Variants in LLGL2 observed in about 807,000 individuals in gnomAD.
The protein encoded by LLGL2 is LLGL scribble cell polarity complex component 2.
Under a neutral mutation model 123.2 loss-of-function variants are expected in LLGL2, and 81 were observed. The observed-to-expected ratio is 0.66, with a 90% confidence interval of 0.55 to 0.79. The LOEUF (loss-of-function observed/expected upper bound fraction) is 0.79. LLGL2 is among the 30% of genes least tolerant of loss of function. The probability of loss-of-function intolerance (pLI) is 0.00; values close to 1 mark genes in which losing one functional copy is unlikely to be tolerated. For missense variants in LLGL2, 1,273 were observed against 1,414.6 expected (o/e 0.90, Z 1.61); for synonymous variants, 577 against 594.1 (o/e 0.97, Z 0.42).
intron 1 of LLGL2, among the ~76,000 whole-genome samples, chr17:75,539,876 T>C (rs2054144570): frequency 6.6e-6 from 1 of 152,220 alleles, no homozygotes; most frequent in African/African-American, 2.4e-5. Context: ...CCCAGAGTGC[T>C]GGGATTACAG....
At position 75,573,976 on chromosome 17, in the gene LLGL2, C is replaced by T. The variant is rs372808279; in HGVS notation, c.2901C>T (p.Gly967=). ...GGAACTCAGGGACTCAGAGTGATGG[C>T]GAGGGTAAGACAGGCCTCCTGGGCT... The part of the protein sequence containing the change: ...RARNSGTQSD[G]EEKQPGLVME... Residue 967 remains glycine (G), a synonymous_variant, in exon 22 of 26, where the codon GGC becomes GGT. Coordinates refer to ENST00000392550, the MANE Select transcript of LLGL2 (RefSeq NM_001031803.2). 112 of 1,550,786 alleles carry T rather than the reference C, an allele frequency of 7.2e-5. No individual in the cohort carries two copies. The African/African-American group carries it at 1.3e-3, about 18-fold the overall frequency.
At chr17:75,550,662 G>A (rs1296514098) in intron 2 of LLGL2, among the ~76,000 whole-genome samples, 1 of 151,738 alleles carries the variant, frequency 6.6e-6, no homozygotes, top group Non-Finnish European at 1.5e-5. Flanking sequence ...GCGCATGCCT[G>A]TAGTTCTAGC....
chr17:75,540,838 C>T (rs1317370718), intron 1 of LLGL2, among the ~76,000 whole-genome samples: 1 of 152,112 alleles, frequency 6.6e-6, no homozygotes, highest in Non-Finnish European at 1.5e-5. Flanking sequence ...GTGAGGGGCT[C>T]CACGCTCACA....
At chr17:75,526,497 C>T (rs1013472943) in intron 1 of LLGL2, among the ~76,000 whole-genome samples, 1 of 152,268 alleles carries the variant, frequency 6.6e-6, no homozygotes, top group East Asian at 1.9e-4. Flanking sequence ...GAAAGTGTGT[C>T]TTAGTTTGTT....
rs147490444 is a variant in LLGL2, at chr17:75,564,471, G to A, written c.1000G>A (p.Gly334Ser). The part of the protein sequence containing the change: ...TAFDFTSRVI[G>S]FTVLTEADPA... ...CTTCGACTTCACCTCCCGTGTCATC[G>A]GCTTCACTGTCCTCACAGAGGCAGA... The change falls in exon 10 of 26, where the codon GGC (glycine) becomes AGC (serine). Residue 334 changes from glycine to serine, a missense_variant. Gly to Ser is a moderately conservative substitution (Grantham distance 56). Coordinates refer to ENST00000392550, the MANE Select transcript of LLGL2 (RefSeq NM_001031803.2). This position sits in a 1 kb window ranked among gnomAD's most constrained non-coding sequence, Gnocchi z 4.9. 3.0e-5 allele frequency: 48 copies of A among 1,613,156 alleles called. No individual in the cohort carries two copies. In the African/African-American group the frequency reaches 5.2e-4, roughly 17 times the overall value.
chr17:75,551,817 C>T (rs1233968725), intron 2 of LLGL2, among the ~76,000 whole-genome samples: 1 of 152,172 alleles, frequency 6.6e-6, no homozygotes, highest in Non-Finnish European at 1.5e-5. Context: ...ATTATTTAAA[C>T]ACGTGAAATT....
rs1303880115 is a variant in LLGL2 at position 75,571,009 on chromosome 17, T to C, written c.2085T>C (p.Pro695=). ...GCCTCCAGAACATGGAGCTGGCGCC[T>C]GTGCAGCGCAAGATCGAGGCTCGCT... The part of the protein sequence containing the change: ...RPGLQNMELA[P]VQRKIEARSA... The change falls in exon 17 of 26, where the codon CCT becomes CCC. Residue 695 remains proline (P), a synonymous_variant. Coordinates refer to ENST00000392550, the MANE Select transcript of LLGL2 (RefSeq NM_001031803.2). 1.2e-6 allele frequency: 2 copies of C among 1,612,874 alleles called. No homozygotes were observed. Among genetic ancestry groups the C allele is most frequent in the African/African-American group, 1.3e-5 (1 of 74,930 alleles).
intron 3 of LLGL2, 111 bp downstream of exon 3, chr17:75,556,254 C>A: frequency 1.2e-6 from 1 of 836,422 alleles, no homozygotes; most frequent in Non-Finnish European, 1.9e-6. Context: ...AAATGAGGGA[C>A]TTTCCTGATT....
intron 10 of LLGL2, 167 bp from the exon 11 acceptor site, chr17:75,568,309 G>C (rs1030265131): frequency 7.0e-7 from 1 of 1,438,658 alleles, no homozygotes; most frequent in African/African-American, 1.4e-5. Context: ...CAGGGCTACT[G>C]CCCACACCTG....
At chr17:75,561,210 A>ACT (rs10691517) in intron 6 of LLGL2, among the ~76,000 whole-genome samples, 57,857 of 151,936 alleles carry the variant, frequency 0.38, 11,512 homozygotes, top group African/African-American at 0.48. Flanking sequence ...TAGTCTCATA[A>ACT]CTGTCTCTGA....
intron 3 of LLGL2, among the ~76,000 whole-genome samples, chr17:75,557,594 C>T (rs148580993): frequency 6.6e-6 from 1 of 152,338 alleles, no homozygotes; most frequent in East Asian, 1.9e-4. Context: ...CCTGACCTCC[C>T]TCTTCCCCTC....
Position 75,568,977 on chromosome 17 carries a change from G to A in LLGL2, c.1323-1G>A. The A allele has an allele frequency of 6.2e-7, 1 of 1,610,636 alleles. No homozygotes were observed. The highest frequency in any genetic ancestry group is 8.5e-7 in the Non-Finnish European group (1 of 1,178,102). On this transcript the variant is annotated splice_acceptor_variant, in intron 12 of 25. Transcript: ENST00000392550. LOFTEE classifies it high-confidence loss of function. The stretch of plus-strand genomic sequence containing the variant: ...GCCTGGCAGGTGGGTTCTGCCCACA[G>A]GCACGAGGACGGCACGGTGCGGTTC...
rs774596668 is a variant in LLGL2, at chr17:75,566,074, G to T, written c.1036+1567G>T. On this transcript the variant is annotated intron_variant, in intron 10 of 25. Coordinates refer to ENST00000392550, the MANE Select transcript of LLGL2 (RefSeq NM_001031803.2). ...TAAGGGGACGTATTTGCGCAGACACGGAAGCAGTCTGATGGAAGGCTTGCC... is the reference window on the plus strand; with the variant it reads ...TAAGGGGACGTATTTGCGCAGACACTGAAGCAGTCTGATGGAAGGCTTGCC... Among the ~76,000 whole-genome samples the T allele has an allele frequency of 8.5e-5, 13 of 152,344 alleles. 1 individual carries two copies. In the Middle Eastern group the frequency reaches 0.014, roughly 159 times the overall value.
Position 75,574,212 on chromosome 17 carries a change from G to GAGA in LLGL2, c.2908_2910dup (p.Lys970dup), listed in dbSNP as rs1242070112. The GAGA allele has an allele frequency of 3.4e-5, 51 of 1,521,576 alleles. No individual in the cohort carries two copies. Among genetic ancestry groups the GAGA allele is most frequent in the Non-Finnish European group, 4.5e-5 (51 of 1,131,142 alleles). The allele number at this position is 1,521,576 out of a possible 1,614,324, so 94.3% of individuals were successfully genotyped here. Reference sequence around the variant, plus strand: ...GCCCTGACCCGGCCTCTACCTTCCAGAGAAGCAGCCCGGCCTGGTGATGGA... The same window carrying GAGA: ...GCCCTGACCCGGCCTCTACCTTCCAGAGAAGAAGCAGCCCGGCCTGGTGATGGA... On this transcript the variant is annotated inframe_insertion and splice_region_variant. Coordinates refer to ENST00000392550, the MANE Select transcript of LLGL2 (RefSeq NM_001031803.2).
chr17:75,531,462 C>T (rs548350469), intron 1 of LLGL2, among the ~76,000 whole-genome samples: 89 of 152,344 alleles, frequency 5.8e-4, no homozygotes, highest in Middle Eastern at 3.4e-3. Flanking sequence ...TCTCCTGGGC[C>T]GGCTGCTTTG....
chr17:75,563,275 G>T, intron 7 of LLGL2, 56 bp from the exon 8 acceptor site: 1 of 1,603,382 alleles, frequency 6.2e-7, no homozygotes, highest in Non-Finnish European at 8.5e-7. Flanking sequence ...GCAGGCGATG[G>T]GAACGCCGCC....
chr17:75,566,239 G>A (rs919001644), intron 10 of LLGL2, among the ~76,000 whole-genome samples: 8 of 152,194 alleles, frequency 5.3e-5, no homozygotes, highest in Admixed American at 4.6e-4. Context: ...GTGGAGGCAC[G>A]GTAAGGACTT....
chr17:75,558,092 G>T lies in LLGL2; in HGVS notation c.174-63G>T. 1.3e-6 allele frequency: 2 copies of T among 1,500,452 alleles called. No individual in the cohort carries two copies. Among genetic ancestry groups the T allele is most frequent in the South Asian group, 1.1e-5 (1 of 88,888 alleles). 92.9% of individuals were successfully genotyped at this position (1,500,452 alleles called of 1,614,324 possible). On this transcript the variant is annotated intron_variant, in intron 3 of 25. Transcript: ENST00000392550. This position sits in a 1 kb window ranked among gnomAD's most constrained non-coding sequence, Gnocchi z 4.0. ...CATTGCACATGGGCCCCGAGGGCCT[G>T]GCACTCAAGGCAGGCAGGGGATGGT...
At chr17:75,550,855 G>A (rs1172190494) in intron 2 of LLGL2, among the ~76,000 whole-genome samples, 1 of 151,294 alleles carries the variant, frequency 6.6e-6, no homozygotes, top group Non-Finnish European at 1.5e-5. Context: ...AGGTGCCCAT[G>A]GAGCCTTCGT....
Sources: gnomAD v4.1 joint callset for allele counts (sites outside exome capture counted in the v4.1 genomes callset) on GRCh38, gnomAD v4.1.1 for gene constraint, Gnocchi (gnomAD v3.1) non-coding constraint, MANE v1.5 for transcripts, NCBI Gene and HGNC (gene_info 2026-07-23, HGNC 2026-07-21) for gene names.